CSMD1: variants seen among roughly 807,000 people sequenced by gnomAD.
CSMD1 encodes the protein CUB and sushi domain-containing protein 1.
A neutral mutation model predicts 417.5 loss-of-function variants in CSMD1; 213 were observed. That is an observed-to-expected ratio of 0.51 (90% CI 0.46 to 0.57). The LOEUF (loss-of-function observed/expected upper bound fraction) is 0.57, where lower values mean the gene tolerates loss of function less well. Ranked by LOEUF, CSMD1 falls within the 20% of genes least tolerant of loss-of-function variation. The pLI, the probability that CSMD1 is intolerant of heterozygous loss-of-function variation, is 0.00. For missense variants in CSMD1, 6,923 were observed against 4,529.7 expected (o/e 1.53, Z -15.17); for synonymous variants, 2,862 against 1,736.8 (o/e 1.65, Z -16.11).
intron 1 of CSMD1, among the ~76,000 whole-genome samples, chr8:4,676,191 G>A (rs138853612): frequency 6.6e-6 from 1 of 152,124 alleles, no homozygotes; most frequent in African/African-American, 2.4e-5. Context: ...CCCTGACCTA[G>A]GCATTGAATA....
At chr8:2,990,262 A>G (rs1806260226) in intron 54 of CSMD1, among the ~76,000 whole-genome samples, 2 of 152,202 alleles carry the variant, frequency 1.3e-5, no homozygotes, top group Admixed American at 1.3e-4. Flanking sequence ...TCCGGTCCTC[A>G]TAGTTTCTTG....
intron 7 of CSMD1, among the ~76,000 whole-genome samples, chr8:3,643,537 C>G (rs1296426784): frequency 6.6e-6 from 1 of 151,872 alleles, no homozygotes; most frequent in South Asian, 2.1e-4. Context: ...CCAGTCTCTA[C>G]TAAAAATACA....
chr8:4,694,454 C>G (rs1261850815), intron 1 of CSMD1, among the ~76,000 whole-genome samples: 1 of 152,024 alleles, frequency 6.6e-6, no homozygotes, highest in African/African-American at 2.4e-5. Flanking sequence ...CGGATTCAAG[C>G]GATTCTCCTG....
At chr8:3,428,366 T>C (rs1214322034) in intron 12 of CSMD1, among the ~76,000 whole-genome samples, 2 of 152,266 alleles carry the variant, frequency 1.3e-5, no homozygotes, top group East Asian at 1.9e-4. Flanking sequence ...TATGCCAATA[T>C]TCAAATTACA....
chr8:4,416,600 A>G (rs1246349001), intron 3 of CSMD1, among the ~76,000 whole-genome samples: 2 of 152,144 alleles, frequency 1.3e-5, no homozygotes, highest in African/African-American at 2.4e-5. Context: ...ATTATAAAAT[A>G]GAAGAATTCC....
chr8:4,450,014 G>C (rs1026775936), intron 2 of CSMD1, among the ~76,000 whole-genome samples: 2 of 152,100 alleles, frequency 1.3e-5, no homozygotes, highest in Non-Finnish European at 2.9e-5. Flanking sequence ...CTCCTGCTAT[G>C]GCCTGGGTGT....
At chr8:4,451,187 A>T (rs1429529970) in intron 2 of CSMD1, among the ~76,000 whole-genome samples, 1 of 152,010 alleles carries the variant, frequency 6.6e-6, no homozygotes, top group African/African-American at 2.4e-5. Flanking sequence ...AAAATAACCA[A>T]GTGTGATGAG....
At chr8:4,106,728 G>A (rs1801587118) in intron 3 of CSMD1, among the ~76,000 whole-genome samples, 1 of 152,196 alleles carries the variant, frequency 6.6e-6, no homozygotes, top group East Asian at 1.9e-4. Context: ...TATACACACA[G>A]CTCTTAAGTT....
intron 5 of CSMD1, among the ~76,000 whole-genome samples, chr8:3,762,309 G>T (rs887431579): frequency 2.0e-5 from 3 of 152,112 alleles, no homozygotes; most frequent in African/African-American, 7.2e-5. Context: ...CACCTGCCTG[G>T]TCGTTTCTGG....
At chr8:3,941,792 C>G (rs1206394751) in intron 5 of CSMD1, among the ~76,000 whole-genome samples, 1 of 152,112 alleles carries the variant, frequency 6.6e-6, no homozygotes, top group Non-Finnish European at 1.5e-5. Flanking sequence ...AATTTTTCCT[C>G]TGTTCCCTCA....
intron 2 of CSMD1, among the ~76,000 whole-genome samples, chr8:4,432,373 G>A (rs1470081481): frequency 2.6e-5 from 4 of 152,130 alleles, no homozygotes; most frequent in African/African-American, 9.7e-5. Context: ...TATGAACTTA[G>A]TGATTAACCT....
At chr8:3,641,707 G>C (rs1053579162) in intron 7 of CSMD1, among the ~76,000 whole-genome samples, 21 of 152,108 alleles carry the variant, frequency 1.4e-4, no homozygotes, top group Admixed American at 4.6e-4. Flanking sequence ...CTCAGAACAG[G>C]CTGCAGGCTA....
intron 5 of CSMD1, among the ~76,000 whole-genome samples, chr8:3,917,937 T>C (rs1208453922): frequency 6.6e-6 from 1 of 152,178 alleles, no homozygotes; most frequent in Non-Finnish European, 1.5e-5. Flanking sequence ...GCATTTAAAA[T>C]CTAATTTTAA....
At chr8:3,327,881 G>C (rs150830746) in intron 23 of CSMD1, among the ~76,000 whole-genome samples, 1,821 of 152,130 alleles carry the variant, frequency 0.012, 44 homozygotes, top group African/African-American at 0.042. Flanking sequence ...GGTCTTCCAT[G>C]GATATTCACT....
intron 5 of CSMD1, among the ~76,000 whole-genome samples, chr8:3,983,791 T>G (rs1472037352): frequency 6.6e-6 from 1 of 150,816 alleles, no homozygotes; most frequent in Non-Finnish European, 1.5e-5. Flanking sequence ...CACGTCGCAG[T>G]TCTGATGGGG....
intron 27 of CSMD1, among the ~76,000 whole-genome samples, chr8:3,229,019 G>C (rs1303915958): frequency 6.6e-6 from 1 of 152,020 alleles, no homozygotes; most frequent in Non-Finnish European, 1.5e-5. Flanking sequence ...GGCTGATAAG[G>C]ACAGCTATCC....
intron 3 of CSMD1, among the ~76,000 whole-genome samples, chr8:4,348,400 A>G (rs1269153786): frequency 1.3e-5 from 2 of 152,154 alleles, no homozygotes; most frequent in East Asian, 3.9e-4. Flanking sequence ...TGCAGGTCAC[A>G]GAACTGTAAG....
At chr8:3,592,419 T>C (rs1016347988) in intron 8 of CSMD1, among the ~76,000 whole-genome samples, 3 of 152,170 alleles carry the variant, frequency 2.0e-5, no homozygotes, top group Admixed American at 6.5e-5. Context: ...AAAATGTTTT[T>C]CAGTCTCAAG....
At chr8:3,492,763 G>A (rs1796179839) in intron 11 of CSMD1, among the ~76,000 whole-genome samples, 2 of 152,104 alleles carry the variant, frequency 1.3e-5, no homozygotes, top group African/African-American at 4.8e-5. Flanking sequence ...TCACAGCAAG[G>A]CTGTCACCGT....
Sources: gnomAD v4.1 joint callset for allele counts (sites outside exome capture counted in the v4.1 genomes callset) on GRCh38, gnomAD v4.1.1 for gene constraint, MANE v1.5 for transcripts, NCBI Gene and HGNC (gene_info 2026-07-23, HGNC 2026-07-21) for gene names.